The following CFHR3 variants were observed in gnomAD, a reference collection of about 807,000 sequenced individuals.
CFHR3 encodes the protein complement factor H related 3.
CFHR3 carries 22 observed loss-of-function variants against 36.0 expected under a neutral mutation model. That is an observed-to-expected ratio of 0.61 (90% CI 0.44 to 0.87). The LOEUF is 0.87. Ranked by LOEUF, CFHR3 falls within the 40% of genes least tolerant of loss-of-function variation. The pLI is 0.00. For synonymous variants in CFHR3, 97 were observed against 137.4 expected (o/e 0.71, Z 2.06); for missense variants, 276 against 401.3 (o/e 0.69, Z 2.67).
chr1:196,784,427 T>C lies in CFHR3; in HGVS notation c.431-3789T>C, dbSNP rs570783722. 5.3e-4 allele frequency among the ~76,000 whole-genome samples: 72 copies of C among 135,872 alleles called. 16 individuals are homozygous for C. The highest frequency in any genetic ancestry group is 1.8e-3 in the South Asian group (7 of 3,794). The allele number at this position is 135,872 out of a possible 152,430, so 89.1% of individuals were successfully genotyped here. On this transcript the variant is annotated intron_variant, in intron 3 of 5. Coordinates refer to ENST00000367425, the MANE Select transcript of CFHR3 (RefSeq NM_021023.6). ...GTGTTAAAGTCTCCCATTATTATTGTGTGGGAGTCTAAGTCTCTTTGTAGG... is the reference window on the plus strand; with the variant it reads ...GTGTTAAAGTCTCCCATTATTATTGCGTGGGAGTCTAAGTCTCTTTGTAGG...
At chr1:196,778,724 C>T (rs1440968062) in intron 1 of CFHR3, among the ~76,000 whole-genome samples, 1 of 136,132 alleles carries the variant, frequency 7.3e-6, no homozygotes, top group African/African-American at 3.1e-5. Context: ...TGTTTAGAGT[C>T]ATATTTCTTG....
chr1:196,777,390 C>A (rs1406738667), intron 1 of CFHR3, among the ~76,000 whole-genome samples: 2 of 136,416 alleles, frequency 1.5e-5, no homozygotes, highest in Non-Finnish European at 1.6e-5. Context: ...CCTCTAAATT[C>A]CTTTTAAACT....
intron 3 of CFHR3, among the ~76,000 whole-genome samples, chr1:196,783,984 T>C (rs1268984392): frequency 7.4e-6 from 1 of 135,450 alleles, no homozygotes. Flanking sequence ...ATGTGTCCCA[T>C]AGATTCTGGT....
intron 3 of CFHR3, among the ~76,000 whole-genome samples, chr1:196,784,292 G>A (rs1445848717): frequency 2.9e-5 from 4 of 136,424 alleles, no homozygotes; most frequent in Non-Finnish European, 6.2e-5. Context: ...GATTTGGGGT[G>A]GAGAGTTCTG....
intron 4 of CFHR3, chr1:196,789,298 A>T: frequency 1.2e-6 from 1 of 844,964 alleles, no homozygotes; most frequent in Non-Finnish European, 1.4e-6. Flanking sequence ...TATTAAGCTA[A>T]GAGAGAAAAA....
rs1242970950 is a variant in CFHR3, at chr1:196,792,694, C to T, written c.797-623C>T. 3.0e-5 allele frequency among the ~76,000 whole-genome samples: 4 copies of T among 135,506 alleles called. 1 individual carries two copies. The highest frequency in any genetic ancestry group is 1.2e-4 in the African/African-American group (4 of 32,228). 88.9% of individuals were successfully genotyped at this position (135,506 alleles called of 152,430 possible). ...ATTAACTCTGTGTGCTTATCCTTGC[C>T]TCTCTTTAAAATAGAAAATGAAGAT... On this transcript the variant is annotated intron_variant, in intron 5 of 5. Transcript: ENST00000367425.
chr1:196,795,235 T>C lies in CFHR3; in HGVS notation c.*1722T>C, dbSNP rs370953. ...CCCATACCCCACTCATGGTAGTAAATACATCTCATGAGATCTAATGGTTTT... is the reference window on the plus strand; with the variant it reads ...CCCATACCCCACTCATGGTAGTAAACACATCTCATGAGATCTAATGGTTTT... On this transcript the variant is annotated 3_prime_UTR_variant, in exon 6 of 6. Transcript: ENST00000367425. The C allele has an allele frequency of 0.28, 37,624 of 134,724 alleles. 10,732 individuals carry two copies. The highest frequency in any genetic ancestry group is 0.51 in the East Asian group (2,551 of 5,048). 8.3% of individuals were successfully genotyped at this position (134,724 alleles called of 1,614,324 possible).
Position 196,791,334 on chromosome 1 carries a change from T to A in CFHR3, c.796+1107T>A, listed in dbSNP as rs147570206. ...ACTCAAAAAATATAAGCCACAATGA[T>A]TATGGCAACAACAAGAAAACCTAAA... On this transcript the variant is annotated intron_variant, in intron 5 of 5. Transcript: ENST00000367425. Among the ~76,000 whole-genome samples, 1,149 of 136,552 alleles carry A rather than the reference T, an allele frequency of 8.4e-3. 312 individuals are homozygous for A. Among genetic ancestry groups the A allele is most frequent in the African/African-American group, 0.034 (1,102 of 32,512 alleles). 89.6% of individuals were successfully genotyped at this position (136,552 alleles called of 152,430 possible).
chr1:196,778,178 T>C (rs751758381), intron 1 of CFHR3, among the ~76,000 whole-genome samples: 1 of 134,780 alleles, frequency 7.4e-6, no homozygotes, highest in Non-Finnish European at 1.6e-5. Flanking sequence ...CATCCATGCT[T>C]GAGGGACTGG....
chr1:196,779,159 A>T lies in CFHR3; in HGVS notation c.59-3A>T, dbSNP rs753208864. ...TACTTTTTTGTTTGTTTTTTATTGC[A>T]AGTGAAACCTTGTGATTTTCCAGAC... On this transcript the variant is annotated splice_polypyrimidine_tract_variant and splice_region_variant and intron_variant, in intron 1 of 5. Transcript: ENST00000367425. 1.2e-5 allele frequency: 18 copies of T among 1,515,004 alleles called. 2 individuals carry two copies. The highest frequency in any genetic ancestry group is 3.4e-5 in the Admixed American group (2 of 58,166). The allele number at this position is 1,515,004 out of a possible 1,614,324, so 93.8% of individuals were successfully genotyped here.
At chr1:196,776,626 A>G (rs768691262) in intron 1 of CFHR3, among the ~76,000 whole-genome samples, 1 of 136,422 alleles carries the variant, frequency 7.3e-6, no homozygotes, top group Non-Finnish European at 1.6e-5. Context: ...ACAACCATTT[A>G]CAAGGCAAAG....
chr1:196,789,373 C>A lies in CFHR3; in HGVS notation c.614-672C>A, dbSNP rs1373158468. The A allele has an allele frequency of 4.8e-5, 43 of 899,822 alleles. 7 individuals are homozygous for A. The highest frequency in any genetic ancestry group is 5.9e-5 in the Admixed American group (1 of 17,058). The allele number at this position is 899,822 out of a possible 1,614,324, so 55.7% of individuals were successfully genotyped here. A position where few individuals can be genotyped will look rare whatever the true frequency, so the allele number is the denominator to read the frequency against. On this transcript the variant is annotated intron_variant, in intron 4 of 5. Transcript: ENST00000367425. The stretch of plus-strand genomic sequence containing the variant: ...GTTTTGGGGGTTATATGAATTCCTA[C>A]ATTTCTAGAATACTGTTTTCAATTT...
In CFHR3 at chr1:196,795,123, C is replaced by A. The variant is rs1387472625; in HGVS notation, c.*1610C>A. ...AATTGCTGATATGGTTTGGCTGTGT[C>A]CCACCCAATTTTCACCTTGAATTAT... is the stretch of plus-strand genomic sequence containing the variant. On this transcript the variant is annotated 3_prime_UTR_variant, in exon 6 of 6. Coordinates refer to ENST00000367425, the MANE Select transcript of CFHR3 (RefSeq NM_021023.6). The A allele has an allele frequency of 7.3e-6, 1 of 136,190 alleles. No individual in the cohort carries two copies. The highest frequency in any genetic ancestry group is 3.1e-5 in the African/African-American group (1 of 32,056). 8.4% of individuals were successfully genotyped at this position (136,190 alleles called of 1,614,324 possible).
Position 196,792,038 on chromosome 1 carries a change from T to A in CFHR3, c.797-1279T>A, listed in dbSNP as rs1450425346. Among the ~76,000 whole-genome samples, 5 of 132,794 alleles carry A rather than the reference T, an allele frequency of 3.8e-5. 1 individual carries two copies. In the South Asian group the frequency reaches 1.0e-3, roughly 28 times the overall value. 87.1% of individuals were successfully genotyped at this position (132,794 alleles called of 152,430 possible). On this transcript the variant is annotated intron_variant, in intron 5 of 5. Transcript: ENST00000367425. Reference sequence around the variant, plus strand: ...GCAACCTTATGGAAAAGATTACATATACATATGGCATATTAAAGCAATGAG... The same window carrying A: ...GCAACCTTATGGAAAAGATTACATAAACATATGGCATATTAAAGCAATGAG...
At position 196,786,585 on chromosome 1, in the gene CFHR3, C is replaced by T. The variant is rs750087088; in HGVS notation, c.431-1631C>T. Reference sequence around the variant, plus strand: ...GCTATGCTAGCAATCAGAGAGACTCCGTGGGCATAGGACCCTCTGAGCCAG... The same window carrying T: ...GCTATGCTAGCAATCAGAGAGACTCTGTGGGCATAGGACCCTCTGAGCCAG... On this transcript the variant is annotated intron_variant, in intron 3 of 5. Transcript: ENST00000367425. Among the ~76,000 whole-genome samples, 20 of 136,062 alleles carry T rather than the reference C, an allele frequency of 1.5e-4. 4 individuals carry two copies. The highest frequency in any genetic ancestry group is 4.3e-4 in the African/African-American group (14 of 32,272). The allele number at this position is 136,062 out of a possible 152,430, so 89.3% of individuals were successfully genotyped here.
In CFHR3 at chr1:196,776,581, G is replaced by T. The variant is rs545382072; in HGVS notation, c.58+1637G>T. 7.3e-5 allele frequency among the ~76,000 whole-genome samples: 10 copies of T among 136,392 alleles called. 3 individuals carry two copies. The highest frequency in any genetic ancestry group is 3.1e-4 in the African/African-American group (10 of 32,546). 89.5% of individuals were successfully genotyped at this position (136,392 alleles called of 152,430 possible). A position where few individuals can be genotyped will look rare whatever the true frequency, so the allele number is the denominator to read the frequency against. ...TAAGAAGAGAAAATAAGAACACACC[G>T]TATAGGGAAAGATCACGCAAGGCAT... On this transcript the variant is annotated intron_variant, in intron 1 of 5. Coordinates refer to ENST00000367425, the MANE Select transcript of CFHR3 (RefSeq NM_021023.6).
At chr1:196,783,412 G>T (rs377034368) in intron 3 of CFHR3, among the ~76,000 whole-genome samples, 4 of 132,018 alleles carry the variant, frequency 3.0e-5, no homozygotes, top group African/African-American at 6.6e-5. Flanking sequence ...GGTAGAATTC[G>T]GCTGTGAATC....
intron 5 of CFHR3, among the ~76,000 whole-genome samples, chr1:196,791,505 G>C: frequency 8.8e-6 from 1 of 114,176 alleles, no homozygotes; most frequent in Non-Finnish European, 1.7e-5. Context: ...CCTAAGTACA[G>C]GATGATACAA....
intron 3 of CFHR3, among the ~76,000 whole-genome samples, chr1:196,784,611 GA>G (rs768268223): frequency 7.4e-6 from 1 of 135,810 alleles, no homozygotes; most frequent in African/African-American, 3.1e-5. Context: ...TTTCATCAGA[GA>G]CTAGGATTGC....
Sources: gnomAD v4.1 joint callset for allele counts (sites outside exome capture counted in the v4.1 genomes callset) on GRCh38, gnomAD v4.1.1 for gene constraint, MANE v1.5 for transcripts, NCBI Gene and HGNC (gene_info 2026-07-23, HGNC 2026-07-21) for gene names.